ABCB5: variants seen among roughly 807,000 people sequenced by gnomAD.
ABCB5 encodes ATP binding cassette subfamily B member 5, also known as ATP-binding cassette sub-family B member 5.
Under a neutral mutation model 144.2 loss-of-function variants are expected in ABCB5, and 155 were observed. The observed-to-expected ratio is 1.08, with a 90% confidence interval of 0.94 to 1.23. The LOEUF is 1.23. ABCB5 is among the 50% of genes most tolerant of loss of function. ABCB5 has a pLI of 0.00. For missense variants in ABCB5, 1,830 were observed against 1,520.8 expected (o/e 1.20, Z -3.38); for synonymous variants, 610 against 528.6 (o/e 1.15, Z -2.11).
intron 11 of ABCB5, among the ~76,000 whole-genome samples, chr7:20,648,874 A>C (rs1784493932): frequency 6.6e-6 from 1 of 152,144 alleles, no homozygotes; most frequent in Non-Finnish European, 1.5e-5. Context: ...GTTGTTACTT[A>C]ATTACCGATT....
Position 20,738,549 on chromosome 7 carries a change from C to A in ABCB5, c.2868-434C>A, listed in dbSNP as rs146634903. 5.9e-5 allele frequency among the ~76,000 whole-genome samples: 9 copies of A among 152,230 alleles called. No individual in the cohort carries two copies. The East Asian group carries it at 1.7e-3, about 29-fold the overall frequency. On this transcript the variant is annotated intron_variant, in intron 23 of 27. Transcript: ENST00000404938. ...AGTCATTTAGCTTCAGTTATCTGTCCTAACTACATTATATGCAAAACAAAC... is the reference window on the plus strand; with the variant it reads ...AGTCATTTAGCTTCAGTTATCTGTCATAACTACATTATATGCAAAACAAAC...
intron 3 of ABCB5, among the ~76,000 whole-genome samples, chr7:20,627,554 T>C (rs1336265103): frequency 6.6e-6 from 1 of 152,150 alleles, no homozygotes; most frequent in Admixed American, 6.6e-5. Context: ...TCAATTTTGC[T>C]CATGATTTGG....
Position 20,622,600 on chromosome 7 carries a change from G to C in ABCB5, c.-21-665G>C, listed in dbSNP as rs1392450075. On this transcript the variant is annotated intron_variant, in intron 1 of 27. Coordinates refer to ENST00000404938, the MANE Select transcript of ABCB5 (RefSeq NM_001163941.2). ...ATATGTTATAGGGCCTAACAACTGA[G>C]ACTGAGTCACAACCATCTCTATAGA... Among the ~76,000 whole-genome samples the C allele has an allele frequency of 2.0e-5, 3 of 152,052 alleles. No individual in the cohort carries two copies. In the East Asian group the frequency reaches 5.8e-4, roughly 29 times the overall value.
At chr7:20,679,487 G>T (rs867584491) in intron 14 of ABCB5, among the ~76,000 whole-genome samples, 1 of 37,694 alleles carries the variant, frequency 2.7e-5, no homozygotes, top group Non-Finnish European at 5.4e-5. Flanking sequence ...AAAAAAAAAA[G>T]AGAGAGAGAG....
chr7:20,694,034 A>C (rs955567783), intron 16 of ABCB5, among the ~76,000 whole-genome samples: 5 of 151,222 alleles, frequency 3.3e-5, no homozygotes, highest in African/African-American at 7.3e-5. Context: ...AAAAAAAAAA[A>C]CAAAAAAACA....
At chr7:20,646,767 A>T (rs1228355072) in intron 9 of ABCB5, among the ~76,000 whole-genome samples, 1 of 152,174 alleles carries the variant, frequency 6.6e-6, no homozygotes, top group Non-Finnish European at 1.5e-5. Context: ...TTATACTTTG[A>T]TCCTTGTTTG....
intron 3 of ABCB5, 122 bp downstream of exon 3, chr7:20,626,733 A>C (rs1202163781): frequency 1.3e-6 from 1 of 776,970 alleles, no homozygotes; most frequent in African/African-American, 1.8e-5. Context: ...AACTAAAATA[A>C]TTCATTAAAG....
intron 1 of ABCB5, among the ~76,000 whole-genome samples, chr7:20,619,166 A>G (rs932487651): frequency 6.6e-6 from 1 of 152,104 alleles, no homozygotes; most frequent in African/African-American, 2.4e-5. Flanking sequence ...TCATAAACAT[A>G]AGAGTGCATG....
chr7:20,665,709 T>C (rs1213907730), intron 14 of ABCB5, among the ~76,000 whole-genome samples: 3 of 146,430 alleles, frequency 2.0e-5, no homozygotes, highest in Non-Finnish European at 4.5e-5. Context: ...TTTATCTGGA[T>C]GAGATAGAGA....
intron 20 of ABCB5, among the ~76,000 whole-genome samples, chr7:20,714,836 T>C (rs1583445340): frequency 2.6e-5 from 4 of 152,196 alleles, no homozygotes; most frequent in Middle Eastern, 3.2e-3. Context: ...TCATCAAAAA[T>C]CTGTCAAGTT....
intron 1 of ABCB5, among the ~76,000 whole-genome samples, chr7:20,619,700 AT>A (rs1165386759): frequency 1.3e-5 from 2 of 151,972 alleles, no homozygotes; most frequent in Non-Finnish European, 2.9e-5. Flanking sequence ...CCATCTGCCA[AT>A]TTTTGCTTCT....
intron 19 of ABCB5, among the ~76,000 whole-genome samples, chr7:20,700,733 G>A (rs144432775): frequency 9.9e-5 from 15 of 152,176 alleles, no homozygotes; most frequent in African/African-American, 3.6e-4. Flanking sequence ...GCAAATGGAA[G>A]GAATGTCTCA....
chr7:20,669,207 C>G (rs1455109393), intron 14 of ABCB5, among the ~76,000 whole-genome samples: 42 of 140,830 alleles, frequency 3.0e-4, no homozygotes, highest in African/African-American at 4.9e-4. Flanking sequence ...TGCCCGGCCA[C>G]GACCCCGTCT....
rs1389397288 is a variant in ABCB5 at position 20,658,602 on chromosome 7, A to G, written c.1633A>G (p.Ile545Val). The G allele has an allele frequency of 6.2e-7, 1 of 1,614,180 alleles. No individual in the cohort carries two copies. The highest frequency in any genetic ancestry group is 1.7e-4 in the Middle Eastern group (1 of 6,060). The change falls in exon 14 of 28, where the codon ATT becomes GTT. Residue 545 changes from isoleucine (I) to valine (V), a missense_variant. Physicochemically the swap from Ile to Val is conservative, Grantham distance 29. Transcript: ENST00000404938. ...TCGTGCCTTAGTTCGAAACCCCAAG[A>G]TTCTGATTTTAGATGAGGCTACGTC... ...IARALVRNPK[I>V]LILDEATSAL...
At chr7:20,717,988 A>G (rs1173241948) in intron 20 of ABCB5, among the ~76,000 whole-genome samples, 2 of 112,094 alleles carry the variant, frequency 1.8e-5, no homozygotes, top group African/African-American at 3.4e-5. Flanking sequence ...TGCAAGCTCC[A>G]CCTCCCGAGT....
At chr7:20,622,384 G>C (rs182297487) in intron 1 of ABCB5, among the ~76,000 whole-genome samples, 23 of 152,212 alleles carry the variant, frequency 1.5e-4, no homozygotes, top group Admixed American at 1.4e-3. Context: ...GGAAGAATAA[G>C]CCAACAGATG....
chr7:20,680,961 C>CGGA (rs1456409050), intron 14 of ABCB5, among the ~76,000 whole-genome samples: 20 of 150,642 alleles, frequency 1.3e-4, no homozygotes, highest in African/African-American at 4.9e-4. Flanking sequence ...CCCTCCCTCC[C>CGGA]TCCTTTCTTT....
At position 20,743,025 on chromosome 7, in the gene ABCB5, C is replaced by A. The variant is rs1447196908; in HGVS notation, c.3173C>A (p.Thr1058Asn). The change falls in exon 25 of 28, where the codon ACT becomes AAT. Residue 1058 changes from threonine (T) to asparagine (N), a missense_variant. Thr to Asn is a moderately conservative substitution (Grantham distance 65). Coordinates refer to ENST00000404938, the MANE Select transcript of ABCB5 (RefSeq NM_001163941.2). ...FVGSSGCGKS[T>N]SVQLLQRLYD... ...GGGAGCAGCGGCTGTGGGAAAAGCA[C>A]TTCTGTTCAACTTCTGCAGAGACTT... 33 of 1,614,028 alleles carry A rather than the reference C, an allele frequency of 2.0e-5. No homozygotes were observed. In the East Asian group the frequency reaches 4.7e-4, roughly 23 times the overall value.
chr7:20,642,823 A>G (rs1784322616), intron 5 of ABCB5, among the ~76,000 whole-genome samples: 1 of 152,160 alleles, frequency 6.6e-6, no homozygotes, highest in South Asian at 2.1e-4. Flanking sequence ...TAAGCTTTTT[A>G]TCAAATGCTT....
Sources: gnomAD v4.1 joint callset for allele counts (sites outside exome capture counted in the v4.1 genomes callset) on GRCh38, gnomAD v4.1.1 for gene constraint, MANE v1.5 for transcripts, NCBI Gene and HGNC (gene_info 2026-07-23, HGNC 2026-07-21) for gene names.